CRTAC1: variants seen among roughly 807,000 people sequenced by gnomAD.
CRTAC1 encodes acidic secreted protein in cartilage.
Under a neutral mutation model 67.8 loss-of-function variants are expected in CRTAC1, and 37 were observed. The ratio of observed to expected loss-of-function variants is 0.55; its 90% CI spans 0.42 to 0.72. The LOEUF (loss-of-function observed/expected upper bound fraction) is 0.72, where lower values mean the gene tolerates loss of function less well. CRTAC1 is among the 30% of genes least tolerant of loss of function. The pLI is 0.00. For missense variants in CRTAC1, 780 were observed against 931.6 expected (o/e 0.84, Z 2.12); for synonymous variants, 348 against 371.0 (o/e 0.94, Z 0.71).
intron 2 of CRTAC1, among the ~76,000 whole-genome samples, chr10:97,950,231 G>GTGC (rs2051329403): frequency 7.5e-6 from 1 of 132,566 alleles, no homozygotes; most frequent in Non-Finnish European, 1.6e-5. Context: ...TTGCATGTAC[G>GTGC]TGCACACACA....
rs942812067 is a variant in CRTAC1, at chr10:97,942,833, G to A, written c.225-6467C>T. Among the ~76,000 whole-genome samples, 6 of 151,850 alleles carry A rather than the reference G, an allele frequency of 4.0e-5. No individual in the cohort carries two copies. In the South Asian group the frequency reaches 6.3e-4, roughly 16 times the overall value. On this transcript the variant is annotated intron_variant, in intron 2 of 14. Transcript: ENST00000370597. The stretch of plus-strand genomic sequence containing the variant: ...TGTAATCCCAGCACTTCAGGAGGCC[G>A]AGATAGGAGGATCCCTTGAGCCCAG...
At chr10:97,870,143 A>T (rs1564870267) in intron 14 of CRTAC1, 1 of 150,278 alleles carries the variant, frequency 6.7e-6, no homozygotes, top group Non-Finnish European at 1.5e-5. Context: ...GCCTGATCCT[A>T]TCCTCAGAGA....
chr10:97,866,974 C>G (rs550047469), intron 14 of CRTAC1: 1 of 152,360 alleles, frequency 6.6e-6, no homozygotes, highest in East Asian at 1.9e-4. Context: ...CCAAAAGCCC[C>G]TTGCCCCTCC....
intron 2 of CRTAC1, among the ~76,000 whole-genome samples, chr10:98,005,100 A>ATATATTTTTTTTTTTTTTTTTTT: frequency 6.1e-5 from 3 of 48,882 alleles, no homozygotes; most frequent in Non-Finnish European, 1.0e-4. Context: ...ATATATATAT[A>ATATATTTTTTTTTTTTTTTTTTT]TTTTTTTTTT....
In CRTAC1 at chr10:97,895,495, G is replaced by C. The variant is rs924013480; in HGVS notation, c.1318-82C>G. ...AGCAGGGAGCCAGGGAGGACGGGAG[G>C]GGGAGAGGGAGAAGAAGGAGGAAGA... On this transcript the variant is annotated intron_variant, in intron 10 of 14. Transcript: ENST00000370597. This position sits in a 1 kb window ranked among gnomAD's most constrained non-coding sequence, Gnocchi z 4.2. 25 of 1,267,498 alleles carry C rather than the reference G, an allele frequency of 2.0e-5. No homozygotes were observed. Among genetic ancestry groups the C allele is most frequent in the Non-Finnish European group, 2.6e-5 (24 of 919,968 alleles). 78.5% of individuals were successfully genotyped at this position (1,267,498 alleles called of 1,614,324 possible).
Position 98,030,279 on chromosome 10 carries a change from G to T in CRTAC1, c.24+170C>A, listed in dbSNP as rs1843343008. Among the ~76,000 whole-genome samples the T allele has an allele frequency of 6.6e-6, 1 of 152,078 alleles. No individual in the cohort carries two copies. The highest frequency in any genetic ancestry group is 2.4e-5 in the African/African-American group (1 of 41,426). ...GGGGGAGGCTCCGCGCGCCAATCGAGTCCAGCGCCTCCCAGCAAGTTAGGA... is the reference window on the plus strand; with the variant it reads ...GGGGGAGGCTCCGCGCGCCAATCGATTCCAGCGCCTCCCAGCAAGTTAGGA... On this transcript the variant is annotated intron_variant, in intron 1 of 14. Coordinates refer to ENST00000370597, the MANE Select transcript of CRTAC1 (RefSeq NM_018058.7). This position sits in a 1 kb window ranked among gnomAD's most constrained non-coding sequence, Gnocchi z 4.2.
At chr10:97,934,704 T>A (rs2051055477) in intron 3 of CRTAC1, among the ~76,000 whole-genome samples, 1 of 151,410 alleles carries the variant, frequency 6.6e-6, no homozygotes, top group African/African-American at 2.4e-5. Flanking sequence ...GGTTGGGAGG[T>A]CCAGGATGAT....
intron 13 of CRTAC1, among the ~76,000 whole-genome samples, chr10:97,881,348 TC>T (rs1395631402): frequency 6.6e-6 from 1 of 152,190 alleles, no homozygotes; most frequent in Admixed American, 6.5e-5. Context: ...TAGATCCTTC[TC>T]ATCCTTCAGG....
intron 1 of CRTAC1, among the ~76,000 whole-genome samples, chr10:98,014,925 G>A (rs1475715484): frequency 6.6e-6 from 1 of 152,218 alleles, no homozygotes; most frequent in Non-Finnish European, 1.5e-5. Context: ...ATTGTCATAT[G>A]ATCTAGCAAT....
At chr10:97,923,670 C>T (rs921461029) in intron 3 of CRTAC1, among the ~76,000 whole-genome samples, 1 of 152,126 alleles carries the variant, frequency 6.6e-6, no homozygotes, top group Non-Finnish European at 1.5e-5. Flanking sequence ...CTGCAGTGTG[C>T]CCAAGATGAC....
chr10:97,926,802 G>C lies in CRTAC1; in HGVS notation c.422-3402C>G, dbSNP rs11812359. 2.6e-5 allele frequency among the ~76,000 whole-genome samples: 4 copies of C among 152,182 alleles called. No individual in the cohort carries two copies. The East Asian group carries it at 7.7e-4, about 29-fold the overall frequency. On this transcript the variant is annotated intron_variant, in intron 3 of 14. Transcript: ENST00000370597. ...GCTCTCGAGAAGGGACTTGGACTTAGGCCGCCATCATCATGGCTGTCCTGG... is the reference window on the plus strand; with the variant it reads ...GCTCTCGAGAAGGGACTTGGACTTACGCCGCCATCATCATGGCTGTCCTGG...
At chr10:97,924,487 A>C (rs4919157) in intron 3 of CRTAC1, among the ~76,000 whole-genome samples, 101,743 of 151,932 alleles carry the variant, frequency 0.67, 35,387 homozygotes, top group East Asian at 0.83. Flanking sequence ...ACAGCATGGC[A>C]CAGGGGCCCA....
At chr10:98,004,228 T>C (rs1010065484) in intron 2 of CRTAC1, among the ~76,000 whole-genome samples, 2 of 152,202 alleles carry the variant, frequency 1.3e-5, no homozygotes, top group African/African-American at 4.8e-5. Flanking sequence ...AATATATTTT[T>C]GCAGAAGAGG....
rs150253337 is a variant in CRTAC1 at position 98,030,232 on chromosome 10, C to T, written c.24+217G>A. 0.01 allele frequency among the ~76,000 whole-genome samples: 1,511 copies of T among 150,692 alleles called. 30 individuals carry two copies. The highest frequency in any genetic ancestry group is 0.034 in the African/African-American group (1,401 of 40,994). On this transcript the variant is annotated intron_variant, in intron 1 of 14. Transcript: ENST00000370597. The surrounding 1 kb of genome is among the most constrained non-coding windows in gnomAD (Gnocchi z 4.2). ...ACCTCTCCGCCACCTCCAACCCGGC[C>T]GCCGCCTCACCCCCAGCCCGCGGGG...
intron 3 of CRTAC1, among the ~76,000 whole-genome samples, chr10:97,924,531 G>C (rs1344743275): frequency 6.6e-6 from 1 of 152,188 alleles, no homozygotes; most frequent in Non-Finnish European, 1.5e-5. Context: ...GAAATGATCT[G>C]GAGCCCCAGT....
At chr10:97,958,440 G>A (rs1213850020) in intron 2 of CRTAC1, among the ~76,000 whole-genome samples, 2 of 152,200 alleles carry the variant, frequency 1.3e-5, no homozygotes, top group Non-Finnish European at 2.9e-5. Flanking sequence ...AGCCATACTT[G>A]TAGAGCTAGT....
chr10:97,874,665 GCTTT>G (rs1280563215), intron 14 of CRTAC1, among the ~76,000 whole-genome samples: 1 of 152,100 alleles, frequency 6.6e-6, no homozygotes, highest in Non-Finnish European at 1.5e-5. Context: ...TTTGTTGGGG[GCTTT>G]CTATGTGCCA....
intron 2 of CRTAC1, among the ~76,000 whole-genome samples, chr10:97,951,425 T>C (rs1159551704): frequency 2.6e-5 from 4 of 152,214 alleles, no homozygotes; most frequent in Non-Finnish European, 4.4e-5. Flanking sequence ...AATTTATGTA[T>C]AAAGCTGCCA....
intron 1 of CRTAC1, among the ~76,000 whole-genome samples, chr10:98,016,304 G>T (rs903688347): frequency 6.6e-6 from 1 of 152,176 alleles, no homozygotes; most frequent in African/African-American, 2.4e-5. Flanking sequence ...GTACCTAGCA[G>T]GCGCTCTGTT....
Sources: allele counts gnomAD v4.1 joint callset (sites outside exome capture counted in the v4.1 genomes callset), GRCh38; gene constraint gnomAD v4.1.1; non-coding constraint Gnocchi (gnomAD v3.1); transcripts MANE v1.5; gene names NCBI Gene and HGNC (gene_info 2026-07-23, HGNC 2026-07-21).